FBXO34: variants seen among roughly 807,000 people sequenced by gnomAD.
FBXO34 encodes the protein F-box protein 34.
Under a neutral mutation model 24.5 loss-of-function variants are expected in FBXO34, and 12 were observed. The ratio of observed to expected loss-of-function variants is 0.49; its 90% CI spans 0.31 to 0.79. The LOEUF is 0.79. Ranked by LOEUF, FBXO34 falls within the 30% of genes least tolerant of loss-of-function variation. FBXO34 has a pLI of 0.04. For missense variants in FBXO34, 823 were observed against 857.7 expected, an observed-to-expected ratio of 0.96 and a Z score of 0.51; for synonymous variants, 320 against 311.9, an observed-to-expected ratio of 1.03 and a Z score of -0.27.
intron 1 of FBXO34, among the ~76,000 whole-genome samples, chr14:55,322,422 T>C (rs1418492305): frequency 6.6e-6 from 1 of 152,204 alleles, no homozygotes; most frequent in African/African-American, 2.4e-5. Context: ...AATAGCAGCA[T>C]TATGCTAAAG....
chr14:55,411,408 C>G, the FBXO34 span, among the ~76,000 whole-genome samples: 1 of 152,206 alleles, frequency 6.6e-6, no homozygotes, highest in Admixed American at 6.5e-5. Context: ...GAAACGGCGA[C>G]CTTCCCTCAT....
intron 1 of FBXO34, among the ~76,000 whole-genome samples, chr14:55,279,452 A>G (rs1391672878): frequency 6.6e-6 from 1 of 152,218 alleles, no homozygotes; most frequent in Non-Finnish European, 1.5e-5. Flanking sequence ...TGCTAATATA[A>G]TACTATTGTG....
At chr14:55,316,220 G>C (rs985505048) in intron 1 of FBXO34, among the ~76,000 whole-genome samples, 5 of 151,952 alleles carry the variant, frequency 3.3e-5, no homozygotes, top group African/African-American at 1.2e-4. Flanking sequence ...TCTCTATCAG[G>C]AATTGACTAC....
chr14:55,285,121 A>G, intron 1 of FBXO34: 1 of 149,586 alleles, frequency 6.7e-6, no homozygotes, highest in East Asian at 1.9e-4. Flanking sequence ...CGCCTGTAAT[A>G]CCAGCAGTTT....
intron 1 of FBXO34, among the ~76,000 whole-genome samples, chr14:55,285,035 T>TAAAA (rs774105315): frequency 7.3e-6 from 1 of 136,848 alleles, no homozygotes. Context: ...CAGGTGAGGT[T>TAAAA]AAAAAAAAAA....
chr14:55,279,863 G>C (rs960040669), intron 1 of FBXO34, among the ~76,000 whole-genome samples: 11 of 152,178 alleles, frequency 7.2e-5, no homozygotes, highest in Non-Finnish European at 1.5e-4. Flanking sequence ...AATTTGCTAA[G>C]TGCCCCTAAA....
chr14:55,433,688 G>A, the FBXO34 span: 1 of 1,614,042 alleles, frequency 6.2e-7, no homozygotes, highest in African/African-American at 1.3e-5. Flanking sequence ...GTTGTCCTGG[G>A]CTCTCGGATC....
chr14:55,360,585 TTTTG>T (rs1884580337), intron 3 of FBXO34, among the ~76,000 whole-genome samples: 1 of 152,176 alleles, frequency 6.6e-6, no homozygotes, highest in South Asian at 2.1e-4. Flanking sequence ...CCTGGGATTT[TTTTG>T]TTTTTTTCAC....
Position 55,352,604 on chromosome 14 carries a change from C to A in FBXO34, c.*78C>A, listed in dbSNP as rs948633931. 44 of 1,166,008 alleles carry A rather than the reference C, an allele frequency of 3.8e-5. No homozygotes were observed. The highest frequency in any genetic ancestry group is 4.6e-5 in the Non-Finnish European group (38 of 834,318). The allele number at this position is 1,166,008 out of a possible 1,614,324, so 72.2% of individuals were successfully genotyped here. Reference sequence around the variant, plus strand: ...AGATACACCGTTCAAATGAGCGTAGCCCCCTGAGTCATCACTCTAGAAGAA... The same window carrying A: ...AGATACACCGTTCAAATGAGCGTAGACCCCTGAGTCATCACTCTAGAAGAA... On this transcript the variant is annotated 3_prime_UTR_variant, in exon 2 of 2. Coordinates refer to ENST00000313833, the MANE Select transcript of FBXO34 (RefSeq NM_017943.4).
chr14:55,386,726 C>T, the FBXO34 span, among the ~76,000 whole-genome samples: 12 of 152,164 alleles, frequency 7.9e-5, no homozygotes, highest in African/African-American at 2.2e-4. Flanking sequence ...CACGAGGAGA[C>T]ATACACTCGT....
the FBXO34 span, among the ~76,000 whole-genome samples, chr14:55,425,565 T>C: frequency 6.6e-6 from 1 of 152,234 alleles, no homozygotes; most frequent in Non-Finnish European, 1.5e-5. Flanking sequence ...AAAAGAAGGC[T>C]GAGGCAGAGA....
downstream of FBXO34, among the ~76,000 whole-genome samples, chr14:55,374,216 G>GT (rs112314795): frequency 1.6e-3 from 240 of 151,342 alleles, 4 homozygotes; most frequent in South Asian, 0.028. Context: ...TTATTTTAAT[G>GT]TTTTTTTTTA....
intron 1 of FBXO34, among the ~76,000 whole-genome samples, chr14:55,297,329 G>T (rs1207121795): frequency 6.6e-6 from 1 of 152,132 alleles, no homozygotes; most frequent in Non-Finnish European, 1.5e-5. Flanking sequence ...AAATGTTGCA[G>T]TCAGATTGCT....
At chr14:55,424,826 G>C in the FBXO34 span, among the ~76,000 whole-genome samples, 13 of 152,224 alleles carry the variant, frequency 8.5e-5, no homozygotes, top group South Asian at 2.7e-3. Context: ...CTAAATATAA[G>C]CTGGCCACTC....
At chr14:55,336,665 C>CT (rs1883786227) in intron 1 of FBXO34, among the ~76,000 whole-genome samples, 1 of 152,132 alleles carries the variant, frequency 6.6e-6, no homozygotes, top group Non-Finnish European at 1.5e-5. Flanking sequence ...CATAGCCAGT[C>CT]TTGTTTGCTC....
downstream of FBXO34, among the ~76,000 whole-genome samples, chr14:55,372,569 T>C (rs200355760): frequency 1.1e-3 from 165 of 151,258 alleles, 1 homozygote; most frequent in Non-Finnish European, 5.5e-4. Context: ...CTCCCTCCCT[T>C]CTTTCCATCC....
the FBXO34 span, among the ~76,000 whole-genome samples, chr14:55,383,052 T>A: frequency 1.3e-5 from 2 of 152,152 alleles, no homozygotes; most frequent in African/African-American, 2.4e-5. Context: ...AAAAATAGCA[T>A]CCCACAAAAA....
chr14:55,284,597 T>G (rs188291283), intron 1 of FBXO34, among the ~76,000 whole-genome samples: 2 of 147,446 alleles, frequency 1.4e-5, no homozygotes, highest in Admixed American at 1.4e-4. Context: ...TTTTGAGTGT[T>G]TGTGGTTACC....
chr14:55,349,815 C>T (rs183767797), intron 1 of FBXO34, among the ~76,000 whole-genome samples: 19 of 151,908 alleles, frequency 1.3e-4, no homozygotes, highest in Admixed American at 9.2e-4. Flanking sequence ...CCATGTTGGC[C>T]GGGCTGGTCT....
Sources: gnomAD v4.1 joint callset for allele counts (sites outside exome capture counted in the v4.1 genomes callset) on GRCh38, gnomAD v4.1.1 for gene constraint, MANE v1.5 for transcripts, NCBI Gene and HGNC (gene_info 2026-07-23, HGNC 2026-07-21) for gene names.